Variants in PDE4C observed in about 807,000 individuals in gnomAD.
PDE4C encodes the protein phosphodiesterase 4C.
PDE4C carries 50 observed loss-of-function variants against 63.9 expected under a neutral mutation model. The observed-to-expected ratio is 0.78, with a 90% CI of 0.62 to 0.99. The LOEUF (loss-of-function observed/expected upper bound fraction) is 0.99, where lower values mean the gene tolerates loss of function less well. Among genes scored for constraint, PDE4C ranks in the 50% least tolerant of loss-of-function variants. The pLI is 0.00. For missense variants in PDE4C, 777 were observed against 899.1 expected (o/e 0.86, Z 1.74); for synonymous variants, 377 against 385.1 (o/e 0.98, Z 0.25).
intron 12 of PDE4C, among the ~76,000 whole-genome samples, chr19:18,215,306 G>T (rs999382044): frequency 6.6e-6 from 1 of 152,064 alleles, no homozygotes; most frequent in African/African-American, 2.4e-5. Flanking sequence ...TCTGGGCTCC[G>T]AAAGCACCTT....
At chr19:18,215,762 C>T (rs1968163874) in intron 12 of PDE4C, among the ~76,000 whole-genome samples, 1 of 151,912 alleles carries the variant, frequency 6.6e-6, no homozygotes. Context: ...ATCCGCCTGC[C>T]TCGGCCTCCC....
intron 13 of PDE4C, among the ~76,000 whole-genome samples, chr19:18,212,972 C>T (rs1443082945): frequency 6.7e-6 from 1 of 148,406 alleles, no homozygotes; most frequent in African/African-American, 2.5e-5. Flanking sequence ...AGGCGTGAGC[C>T]ACTGCGCCCG....
chr19:18,211,124 G>C (rs764817420), exon 15 of PDE4C: 2 of 1,614,126 alleles, frequency 1.2e-6, no homozygotes, highest in Admixed American at 1.7e-5. Context: ...CGTCCCGCTC[G>C]GGGTTGGTGA....
intron 1 of PDE4C, chr19:18,224,587 T>C (rs1568673168): frequency 1.1e-6 from 1 of 875,114 alleles, no homozygotes; most frequent in African/African-American, 1.8e-5. Flanking sequence ...TTCGAGCTTG[T>C]TCGCCTAAGT....
At chr19:18,252,705 C>T (rs949349676), upstream of PDE4C, among the ~76,000 whole-genome samples, 1 of 152,006 alleles carries the variant, frequency 6.6e-6, no homozygotes. Flanking sequence ...GCAACCTCCA[C>T]CTCCTGGGTA....
At chr19:18,210,786 C>G in exon 15 of PDE4C, 1 of 1,403,312 alleles carries the variant, frequency 7.1e-7, no homozygotes. Flanking sequence ...TGGGAGCCAC[C>G]TATAACTAAG....
At chr19:18,224,898 C>T (rs1968660509) in intron 1 of PDE4C, among the ~76,000 whole-genome samples, 2 of 152,208 alleles carry the variant, frequency 1.3e-5, no homozygotes, top group African/African-American at 4.8e-5. Flanking sequence ...CCAGATCTGC[C>T]CCTCGAGGGG....
At chr19:18,248,324 C>T, upstream of PDE4C, 3 of 417,182 alleles carry the variant, frequency 7.2e-6, no homozygotes, top group South Asian at 5.0e-5. Flanking sequence ...AGGACATAAT[C>T]CACACACTTT....
At chr19:18,243,652 G>T (rs976644112) in intron 1 of PDE4C, among the ~76,000 whole-genome samples, 1 of 152,308 alleles carries the variant, frequency 6.6e-6, no homozygotes, top group East Asian at 1.9e-4. Context: ...GACCTAACAG[G>T]TCTGGGGGCA....
At chr19:18,218,225 G>A in exon 11 of PDE4C, 3 of 1,614,246 alleles carry the variant, frequency 1.9e-6, no homozygotes, top group Non-Finnish European at 2.5e-6. Flanking sequence ...GGGCAGCCAG[G>A]ATTTCCAAGT....
At chr19:18,252,077 C>T (rs931361665), upstream of PDE4C, 2 of 398,926 alleles carry the variant, frequency 5.0e-6, no homozygotes. Flanking sequence ...GGCCAGGGGG[C>T]TCCAAGGTCT....
upstream of PDE4C, among the ~76,000 whole-genome samples, chr19:18,229,967 C>A (rs1377290355): frequency 6.6e-6 from 1 of 152,176 alleles, no homozygotes; most frequent in Non-Finnish European, 1.5e-5. Flanking sequence ...ATTTCCACCC[C>A]ATGGCCCTCA....
intron 1 of PDE4C, among the ~76,000 whole-genome samples, chr19:18,241,532 G>C (rs1345280097): frequency 6.6e-6 from 1 of 151,856 alleles, no homozygotes; most frequent in Non-Finnish European, 1.5e-5. Context: ...CTCCCAAAGT[G>C]CTGGGATTAC....
At chr19:18,227,719 G>A (rs764175165), upstream of PDE4C, among the ~76,000 whole-genome samples, 2 of 152,182 alleles carry the variant, frequency 1.3e-5, no homozygotes, top group Non-Finnish European at 1.5e-5. Flanking sequence ...AGGCCTGACC[G>A]TGCCCCTTGC....
At chr19:18,247,278 G>A (rs4808771) in intron 1 of PDE4C, among the ~76,000 whole-genome samples, 114,795 of 151,938 alleles carry the variant, frequency 0.76, 44,527 homozygotes, top group African/African-American at 0.93. Context: ...GCTGGTCCCC[G>A]AGCAGCTCTA....
chr19:18,240,643 G>A (rs1003834912), intron 1 of PDE4C, among the ~76,000 whole-genome samples: 8 of 152,098 alleles, frequency 5.3e-5, no homozygotes, highest in African/African-American at 1.4e-4. Flanking sequence ...CAGGAGAATC[G>A]CTTGAACCTG....
chr19:18,218,030 C>A (rs970116853), intron 11 of PDE4C, 119 bp downstream of exon 11: 2 of 761,476 alleles, frequency 2.6e-6, no homozygotes, highest in African/African-American at 3.5e-5. Flanking sequence ...CTGTCATAGT[C>A]ATTTCATAGA....
chr19:18,222,488 C>A (rs1968527149), intron 1 of PDE4C, among the ~76,000 whole-genome samples, 165 bp from the exon 2 acceptor site: 1 of 151,946 alleles, frequency 6.6e-6, no homozygotes, highest in Non-Finnish European at 1.5e-5. Context: ...AACCCTGCAC[C>A]CCTCACACTT....
At chr19:18,221,134 A>T (rs1344515866) in exon 4 of PDE4C, 10 of 1,425,788 alleles carry the variant, frequency 7.0e-6, no homozygotes, top group Non-Finnish European at 9.3e-6. Context: ...GCTGGCGGGC[A>T]AGGGCCGCCA....
Sources: gnomAD v4.1 joint callset for allele counts (sites outside exome capture counted in the v4.1 genomes callset) on GRCh38, gnomAD v4.1.1 for gene constraint, MANE v1.5 for transcripts, NCBI Gene and HGNC (gene_info 2026-07-23, HGNC 2026-07-21) for gene names.